UIMC1: variants seen among roughly 807,000 people sequenced by gnomAD.
The protein encoded by UIMC1 is ubiquitin interaction motif containing 1, also known as BRCA1-A complex subunit RAP80.
A neutral mutation model predicts 84.9 loss-of-function variants in UIMC1; 42 were observed. That is an observed-to-expected ratio of 0.49 (90% CI 0.39 to 0.64). UIMC1 has a LOEUF of 0.64. Among genes scored for constraint, UIMC1 ranks in the 30% least tolerant of loss-of-function variants. The pLI is 0.00. For synonymous variants in UIMC1, 281 were observed against 293.0 expected (o/e 0.96, Z 0.42); for missense variants, 825 against 847.6 (o/e 0.97, Z 0.33).
chr5:176,918,612 C>T (rs1417556418), intron 10 of UIMC1, among the ~76,000 whole-genome samples: 2 of 152,170 alleles, frequency 1.3e-5, no homozygotes, highest in Non-Finnish European at 2.9e-5. Flanking sequence ...TCTCTGTTCA[C>T]CATCACCTAT....
chr5:176,956,219 T>C (rs1208004623), intron 7 of UIMC1, among the ~76,000 whole-genome samples, 184 bp from the exon 8 acceptor site: 1 of 151,948 alleles, frequency 6.6e-6, no homozygotes, highest in Non-Finnish European at 1.5e-5. Flanking sequence ...ATATGGAAAA[T>C]AAATATGCTT....
chr5:176,981,969 T>C (rs1329652263), intron 2 of UIMC1, among the ~76,000 whole-genome samples: 1 of 152,188 alleles, frequency 6.6e-6, no homozygotes, highest in African/African-American at 2.4e-5. Flanking sequence ...TCTAAAATGA[T>C]AAAAATGTTG....
intron 9 of UIMC1, among the ~76,000 whole-genome samples, chr5:176,948,218 A>G (rs1206500949): frequency 6.6e-6 from 1 of 152,228 alleles, no homozygotes; most frequent in Non-Finnish European, 1.5e-5. Context: ...CACTATTTCC[A>G]AAGAAAGTTG....
intron 8 of UIMC1, among the ~76,000 whole-genome samples, chr5:176,954,022 T>C (rs943506852): frequency 1.3e-5 from 2 of 152,206 alleles, no homozygotes; most frequent in East Asian, 1.9e-4. Flanking sequence ...AAAAGGAACA[T>C]TAATGTAATG....
intron 10 of UIMC1, among the ~76,000 whole-genome samples, chr5:176,941,647 GAGA>G: frequency 1.3e-5 from 2 of 152,238 alleles, no homozygotes; most frequent in South Asian, 4.2e-4. Context: ...AAGTAGCACT[GAGA>G]AGAACACTGC....
intron 9 of UIMC1, among the ~76,000 whole-genome samples, chr5:176,948,168 A>G (rs1765376679): frequency 1.3e-5 from 2 of 152,184 alleles, no homozygotes; most frequent in South Asian, 2.1e-4. Flanking sequence ...TTTATCTAAG[A>G]CTCCAACTAA....
chr5:176,990,940 AG>A (rs1235971304), intron 1 of UIMC1, among the ~76,000 whole-genome samples: 2 of 152,050 alleles, frequency 1.3e-5, no homozygotes, highest in East Asian at 3.8e-4. Context: ...CTAAAATGCT[AG>A]GATTAGAAGC....
At chr5:176,933,763 T>C (rs1360621516) in intron 10 of UIMC1, among the ~76,000 whole-genome samples, 1 of 152,144 alleles carries the variant, frequency 6.6e-6, no homozygotes, top group African/African-American at 2.4e-5. Flanking sequence ...CTTGAACTCC[T>C]GGCTTTAACT....
chr5:176,977,223 CAAAA>C (rs1016279747), intron 2 of UIMC1, among the ~76,000 whole-genome samples: 5 of 71,634 alleles, frequency 7.0e-5, no homozygotes, highest in Non-Finnish European at 6.4e-5. Context: ...GATTCTGTCT[CAAAA>C]AAAAAAAAAA....
intron 2 of UIMC1, among the ~76,000 whole-genome samples, chr5:176,978,215 C>CA (rs1421446478): frequency 3.4e-4 from 51 of 150,984 alleles, no homozygotes. Context: ...ACTAAAAATA[C>CA]AAAAAAAACT....
chr5:177,002,945 A>G (rs1260841964), intron 1 of UIMC1, among the ~76,000 whole-genome samples: 1 of 152,170 alleles, frequency 6.6e-6, no homozygotes, highest in Non-Finnish European at 1.5e-5. Context: ...TCCTGACATG[A>G]AAACTGGACT....
chr5:177,014,894 C>G (rs1229957187), intron 1 of UIMC1, among the ~76,000 whole-genome samples: 1 of 152,036 alleles, frequency 6.6e-6, no homozygotes, highest in African/African-American at 2.4e-5. Context: ...GACATTTTAA[C>G]TTTATCCGGT....
At chr5:176,963,161 A>ATT (rs1767785539) in intron 6 of UIMC1, among the ~76,000 whole-genome samples, 4 of 85,304 alleles carry the variant, frequency 4.7e-5, no homozygotes, top group Non-Finnish European at 1.1e-4. Context: ...ATAAATTAAA[A>ATT]AAAAAAAAAA....
chr5:176,989,400 CTG>C, intron 1 of UIMC1, among the ~76,000 whole-genome samples: 1 of 152,244 alleles, frequency 6.6e-6, no homozygotes, highest in East Asian at 1.9e-4. Flanking sequence ...TGGCTCAAGT[CTG>C]TAATCCCAGC....
intron 8 of UIMC1, among the ~76,000 whole-genome samples, chr5:176,955,520 G>A (rs916050562): frequency 2.6e-5 from 4 of 152,098 alleles, no homozygotes; most frequent in African/African-American, 9.7e-5. Flanking sequence ...CTTAAGCCCC[G>A]AAGTTCAAGG....
chr5:176,981,903 T>C (rs997401984), intron 2 of UIMC1, among the ~76,000 whole-genome samples: 3 of 152,056 alleles, frequency 2.0e-5, no homozygotes, highest in South Asian at 2.1e-4. Context: ...AATAAACAAA[T>C]AGAAATACAG....
In UIMC1 at chr5:176,905,318, C is replaced by A; in HGVS notation, c.2124G>T (p.Arg708=). ...TCCTTCTTCCTCTGCCAGCTTTGGT[C>A]CGTGTCCGACTACCTGGCTGGACAG... ...QVTVQPGSRT[R]TKAGRGRRRK... is the part of the protein sequence containing the mutation. Residue 708 remains arginine, a synonymous_variant, in exon 15 of 15, where the codon CGG becomes CGT. Transcript: ENST00000511320. The A allele has an allele frequency of 6.2e-7, 1 of 1,614,066 alleles. No individual in the cohort carries two copies. The highest frequency in any genetic ancestry group is 1.1e-5 in the South Asian group (1 of 91,062).
chr5:177,006,188 G>A (rs1775241419), intron 1 of UIMC1: 1 of 152,232 alleles, frequency 6.6e-6, no homozygotes, highest in African/African-American at 2.4e-5. Flanking sequence ...GGTGTGAAAG[G>A]GACCCGCCCG....
rs955002076 is a variant in UIMC1, at chr5:176,907,850, C to T, written c.1848+673G>A. On this transcript the variant is annotated intron_variant, in intron 12 of 14. Transcript: ENST00000511320. ...CTTTAAAATTTGTACATCCACTGACCTAATAGTTCCGTATCAGAAAATGTA... is the reference window on the plus strand; with the variant it reads ...CTTTAAAATTTGTACATCCACTGACTTAATAGTTCCGTATCAGAAAATGTA... 2.0e-5 allele frequency among the ~76,000 whole-genome samples: 3 copies of T among 152,024 alleles called. No individual in the cohort carries two copies. In the East Asian group the frequency reaches 5.8e-4, roughly 29 times the overall value.
Sources: gnomAD v4.1 joint callset for allele counts (sites outside exome capture counted in the v4.1 genomes callset) on GRCh38, gnomAD v4.1.1 for gene constraint, MANE v1.5 for transcripts, NCBI Gene and HGNC (gene_info 2026-07-23, HGNC 2026-07-21) for gene names.